Variants in PEAK1 observed in about 807,000 individuals in gnomAD.
The protein encoded by PEAK1 is inactive tyrosine-protein kinase PEAK1.
Under a neutral mutation model 124.7 loss-of-function variants are expected in PEAK1, and 54 were observed. That is an observed-to-expected ratio of 0.43 (90% CI 0.35 to 0.54). The LOEUF (loss-of-function observed/expected upper bound fraction) is 0.54, where lower values mean the gene tolerates loss of function less well. PEAK1 is among the 20% of genes least tolerant of loss of function. PEAK1 has a pLI of 0.01. For missense variants in PEAK1, 2,046 were observed against 2,134.5 expected, an observed-to-expected ratio of 0.96 and a Z score of 0.82; for synonymous variants, 719 against 760.0, an observed-to-expected ratio of 0.95 and a Z score of 0.89.
chr15:77,403,392 C>T lies in PEAK1; in HGVS notation c.-666+16614G>A, dbSNP rs76470848. On this transcript the variant is annotated intron_variant, in intron 1 of 9. Transcript: ENST00000682557. Reference sequence around the variant, plus strand: ...CCAAGATATAATGAATAAAATATTACGGGTAAGTAAAAATACAACCATGAT... The same window carrying T: ...CCAAGATATAATGAATAAAATATTATGGGTAAGTAAAAATACAACCATGAT... 1.6e-4 allele frequency: 147 copies of T among 919,062 alleles called. No homozygotes were observed. In the East Asian group the frequency reaches 5.9e-3, roughly 37 times the overall value. The allele number at this position is 919,062 out of a possible 1,614,324, so 56.9% of individuals were successfully genotyped here.
intron 1 of PEAK1, among the ~76,000 whole-genome samples, chr15:77,410,254 C>T (rs1328355773): frequency 6.6e-6 from 1 of 151,878 alleles, no homozygotes; most frequent in East Asian, 1.9e-4. Flanking sequence ...CTACCTCAGC[C>T]TCCCGGGATT....
At chr15:77,383,199 T>C (rs2069633620) in intron 1 of PEAK1, among the ~76,000 whole-genome samples, 1 of 152,008 alleles carries the variant, frequency 6.6e-6, no homozygotes, top group South Asian at 2.1e-4. Context: ...TTAATTTTTG[T>C]ATTTTTAGTA....
chr15:77,366,390 T>C lies in PEAK1; in HGVS notation c.-665-1165A>G, dbSNP rs550463180. On this transcript the variant is annotated intron_variant, in intron 1 of 9. Transcript: ENST00000682557. ...GAGCAAGAAATAAACTTTGTTGTAT[T>C]ATGCAACTGAGATTTTTAGGACTGT... Among the ~76,000 whole-genome samples, 21 of 152,280 alleles carry C rather than the reference T, an allele frequency of 1.4e-4. No individual in the cohort carries two copies. In the South Asian group the frequency reaches 4.3e-3, roughly 32 times the overall value.
chr15:77,313,652 ATGTGTGTGTGTG>A (rs775220459), intron 2 of PEAK1, among the ~76,000 whole-genome samples: 14 of 90,586 alleles, frequency 1.5e-4, no homozygotes, highest in East Asian at 5.2e-4. Context: ...GTATGTATGT[ATGTGTGTGTGTG>A]TGTGTGTGTG....
At chr15:77,418,762 CCA>C (rs767472014) in intron 1 of PEAK1, 6 of 985,228 alleles carry the variant, frequency 6.1e-6, no homozygotes, top group Non-Finnish European at 7.2e-6. Context: ...TTTTTCACTT[CCA>C]CACTGCAGAG....
At chr15:77,132,205 TG>T (rs1205084195) in intron 9 of PEAK1, among the ~76,000 whole-genome samples, 1 of 151,296 alleles carries the variant, frequency 6.6e-6, no homozygotes, top group Non-Finnish European at 1.5e-5. Flanking sequence ...CTCAGCCTCC[TG>T]GGTGGCTGGG....
chr15:77,336,893 G>GA (rs1156406027), intron 2 of PEAK1, among the ~76,000 whole-genome samples: 1,952 of 136,052 alleles, frequency 0.014, 49 homozygotes, highest in African/African-American at 0.047. Flanking sequence ...AGGGCTAAAT[G>GA]AAAAAAAAAA....
In PEAK1 at chr15:77,113,813, T is replaced by C; in HGVS notation, c.*343A>G. ...GTGATATCCAGAATTATGGAGGAAA[T>C]GGACACAGCTCACTGGCTGAGTTCA... On this transcript the variant is annotated 3_prime_UTR_variant, in exon 10 of 10. Coordinates refer to ENST00000682557, the MANE Select transcript of PEAK1 (RefSeq NM_001385026.1). 3.7e-6 allele frequency: 1 copy of C among 273,700 alleles called. No homozygotes were observed. Among genetic ancestry groups the C allele is most frequent in the Non-Finnish European group, 6.9e-6 (1 of 144,452 alleles). The allele number at this position is 273,700 out of a possible 1,614,324, so 17.0% of individuals were successfully genotyped here.
chr15:77,283,339 T>A (rs2062766114), intron 5 of PEAK1, among the ~76,000 whole-genome samples: 1 of 152,176 alleles, frequency 6.6e-6, no homozygotes, highest in Admixed American at 6.6e-5. Context: ...AAAAACACTT[T>A]TTAATATAGA....
At chr15:77,120,875 T>A (rs1311264308) in intron 9 of PEAK1, among the ~76,000 whole-genome samples, 1 of 152,194 alleles carries the variant, frequency 6.6e-6, no homozygotes, top group Non-Finnish European at 1.5e-5. Flanking sequence ...CCAGGTGTTC[T>A]CTCAGTTTGG....
At chr15:77,358,962 T>C (rs761710675) in intron 2 of PEAK1, among the ~76,000 whole-genome samples, 16 of 152,214 alleles carry the variant, frequency 1.1e-4, no homozygotes, top group African/African-American at 3.6e-4. Flanking sequence ...CCACTTAGCA[T>C]AGGGTCTGGC....
chr15:77,191,686 AT>A (rs1428334683), intron 6 of PEAK1, among the ~76,000 whole-genome samples: 1 of 152,200 alleles, frequency 6.6e-6, no homozygotes, highest in Non-Finnish European at 1.5e-5. Flanking sequence ...TTGCTGAGCA[AT>A]AAGGTAATGT....
At chr15:77,324,202 G>C (rs1216301378) in intron 2 of PEAK1, among the ~76,000 whole-genome samples, 1 of 152,216 alleles carries the variant, frequency 6.6e-6, no homozygotes, top group Non-Finnish European at 1.5e-5. Context: ...ACATTGCTGG[G>C]TGTGATGGCT....
chr15:77,357,992 G>A (rs903678952), intron 2 of PEAK1, among the ~76,000 whole-genome samples: 19 of 152,040 alleles, frequency 1.2e-4, no homozygotes, highest in Admixed American at 6.5e-4. Context: ...TGCTTCAGAG[G>A]AAATGAAAAC....
At chr15:77,201,200 G>A (rs2058343930) in intron 6 of PEAK1, among the ~76,000 whole-genome samples, 2 of 134,510 alleles carry the variant, frequency 1.5e-5, no homozygotes, top group Non-Finnish European at 3.2e-5. Context: ...TCAACCCTTA[G>A]TTTTACTGTA....
chr15:77,120,860 A>G (rs77524488), intron 9 of PEAK1, among the ~76,000 whole-genome samples: 3,290 of 151,338 alleles, frequency 0.022, 118 homozygotes, highest in African/African-American at 0.075. Flanking sequence ...CACCCACTCT[A>G]CCCTCCAGGT....
At chr15:77,303,191 G>A in intron 2 of PEAK1, among the ~76,000 whole-genome samples, 1 of 152,088 alleles carries the variant, frequency 6.6e-6, no homozygotes, top group Non-Finnish European at 1.5e-5. Flanking sequence ...TTCCAGTTTT[G>A]GTAATTATAA....
chr15:77,319,767 T>G (rs1190624986), intron 2 of PEAK1, among the ~76,000 whole-genome samples: 1 of 152,196 alleles, frequency 6.6e-6, no homozygotes, highest in East Asian at 1.9e-4. Context: ...CTATCTGTTC[T>G]AATGTTATAG....
intron 8 of PEAK1, among the ~76,000 whole-genome samples, chr15:77,140,716 T>A (rs2053711350): frequency 6.6e-6 from 1 of 151,916 alleles, no homozygotes; most frequent in South Asian, 2.1e-4. Context: ...TGCCATTTCT[T>A]TTTTTTTCTT....
Sources: gnomAD v4.1 joint callset for allele counts (sites outside exome capture counted in the v4.1 genomes callset) on GRCh38, gnomAD v4.1.1 for gene constraint, MANE v1.5 for transcripts, NCBI Gene and HGNC (gene_info 2026-07-23, HGNC 2026-07-21) for gene names.